Variants in RSU1 observed in about 807,000 individuals in gnomAD.
The protein encoded by RSU1 is rsu-1.
A neutral mutation model predicts 31.1 loss-of-function variants in RSU1; 26 were observed. The observed-to-expected ratio is 0.84, with a 90% CI of 0.61 to 1.16. RSU1 has a LOEUF of 1.16. Ranked by LOEUF, RSU1 falls within the 50% of genes most tolerant of loss-of-function variation. The pLI, the probability that RSU1 is intolerant of heterozygous loss-of-function variation, is 0.00. For synonymous variants in RSU1, 164 were observed against 136.3 expected (o/e 1.20, Z -1.41); for missense variants, 320 against 339.1 (o/e 0.94, Z 0.44).
At chr10:16,789,211 CTTTTCT>C (rs1205843137) in intron 2 of RSU1, among the ~76,000 whole-genome samples, 1 of 152,164 alleles carries the variant, frequency 6.6e-6, no homozygotes, top group Non-Finnish European at 1.5e-5. Flanking sequence ...GTTGTGTTTT[CTTTTCT>C]TTTTCTTTAA....
intron 7 of RSU1, among the ~76,000 whole-genome samples, chr10:16,698,542 A>T (rs1588722220): frequency 6.6e-6 from 1 of 152,184 alleles, no homozygotes; most frequent in East Asian, 1.9e-4. Flanking sequence ...TCATGGAAGG[A>T]GAATAATGCC....
chr10:16,805,582 A>G (rs1376588250), intron 2 of RSU1, among the ~76,000 whole-genome samples: 1 of 148,344 alleles, frequency 6.7e-6, no homozygotes, highest in Non-Finnish European at 1.5e-5. Context: ...AGGCTGAGGC[A>G]GGAGAATGGC....
At chr10:16,797,416 A>G (rs1311389975) in intron 2 of RSU1, among the ~76,000 whole-genome samples, 1 of 152,256 alleles carries the variant, frequency 6.6e-6, no homozygotes, top group East Asian at 1.9e-4. Flanking sequence ...AGAGCTCTGT[A>G]AAGTTAGAAA....
chr10:16,693,019 G>C (rs1187677060), intron 8 of RSU1, among the ~76,000 whole-genome samples: 1 of 152,100 alleles, frequency 6.6e-6, no homozygotes, highest in Non-Finnish European at 1.5e-5. Context: ...CTGGAGTGCA[G>C]TGGCACGATC....
chr10:16,672,140 TA>T (rs1411975341), intron 8 of RSU1, among the ~76,000 whole-genome samples: 5 of 77,628 alleles, frequency 6.4e-5, no homozygotes, highest in African/African-American at 2.8e-4. Flanking sequence ...CTACTAAAAA[TA>T]CAAAAAAAAA....
chr10:16,646,193 T>C (rs1277894279), intron 8 of RSU1, among the ~76,000 whole-genome samples: 1 of 151,438 alleles, frequency 6.6e-6, no homozygotes, highest in East Asian at 2.0e-4. Context: ...CATTCTGGTG[T>C]TTTGTGATAT....
At chr10:16,685,242 T>A (rs1835419894) in intron 8 of RSU1, among the ~76,000 whole-genome samples, 1 of 152,120 alleles carries the variant, frequency 6.6e-6, no homozygotes, top group South Asian at 2.1e-4. Flanking sequence ...AGAGCGGGAC[T>A]CCGTCTCAAA....
At chr10:16,766,527 C>G (rs1398028949) in intron 3 of RSU1, among the ~76,000 whole-genome samples, 1 of 152,124 alleles carries the variant, frequency 6.6e-6, no homozygotes, top group Non-Finnish European at 1.5e-5. Flanking sequence ...CTAGCCTGAC[C>G]AACACGGTGC....
chr10:16,717,985 G>A lies in RSU1; in HGVS notation c.599-22830C>T, dbSNP rs76535599. Reference sequence around the variant, plus strand: ...GTTAAAAATATGAAATACTGTCACAGTAACAAATAACAAAAAAAGAAAGTA... The same window carrying A: ...GTTAAAAATATGAAATACTGTCACAATAACAAATAACAAAAAAAGAAAGTA... On this transcript the variant is annotated intron_variant, in intron 7 of 8. Coordinates refer to ENST00000345264, the MANE Select transcript of RSU1 (RefSeq NM_012425.4). Among the ~76,000 whole-genome samples, 1,258 of 150,642 alleles carry A rather than the reference G, an allele frequency of 8.4e-3. 9 individuals are homozygous for A. Among genetic ancestry groups the A allele is most frequent in the Middle Eastern group, 0.038 (11 of 290 alleles).
chr10:16,661,188 T>C lies in RSU1; in HGVS notation c.731+33835A>G, dbSNP rs1242301453. ...CATGGGGGATGTAGATCTGTGTTTCTTGTTTCTGCTGAGTCTTGCAAATTT... is the reference window on the plus strand; with the variant it reads ...CATGGGGGATGTAGATCTGTGTTTCCTGTTTCTGCTGAGTCTTGCAAATTT... On this transcript the variant is annotated intron_variant, in intron 8 of 8. Coordinates refer to ENST00000345264, the MANE Select transcript of RSU1 (RefSeq NM_012425.4). Among the ~76,000 whole-genome samples, 10 of 152,114 alleles carry C rather than the reference T, an allele frequency of 6.6e-5. No homozygotes were observed. The East Asian group carries it at 1.9e-3, about 29-fold the overall frequency.
At chr10:16,809,446 C>G (rs1258004730) in intron 2 of RSU1, among the ~76,000 whole-genome samples, 1 of 152,206 alleles carries the variant, frequency 6.6e-6, no homozygotes, top group Non-Finnish European at 1.5e-5. Context: ...CAGCAAAGCT[C>G]TGTGTGGAGA....
Position 16,695,121 on chromosome 10 carries a change from G to T in RSU1, c.633C>A (p.Phe211Leu). 1 of 1,527,900 alleles carries T rather than the reference G, an allele frequency of 6.5e-7. No individual in the cohort carries two copies. The highest frequency in any genetic ancestry group is 1.1e-5 in the South Asian group (1 of 89,062). 94.6% of individuals were successfully genotyped at this position (1,527,900 alleles called of 1,614,324 possible). A position where few individuals can be genotyped will look rare whatever the true frequency, so the allele number is the denominator to read the frequency against. ...TCACCCAGGGATTGTTCTCTGCTTT[G>T]AATACCTGCTTCTGGCCAGTTAAAT... is the stretch of plus-strand genomic sequence containing the variant. ...NLDLTGQKQV[F>L]KAENNPWVTP... The change falls in exon 8 of 9, where the codon TTC (phenylalanine) becomes TTA (leucine). Residue 211 changes from phenylalanine to leucine, a missense_variant. Coordinates refer to ENST00000345264, the MANE Select transcript of RSU1 (RefSeq NM_012425.4).
intron 8 of RSU1, among the ~76,000 whole-genome samples, chr10:16,662,863 C>G (rs1325721277): frequency 1.3e-5 from 2 of 151,552 alleles, no homozygotes; most frequent in African/African-American, 2.4e-5. Flanking sequence ...CGTGTGATAA[C>G]ATTAACTATT....
chr10:16,744,398 A>T (rs969677790), intron 7 of RSU1, among the ~76,000 whole-genome samples: 1 of 152,080 alleles, frequency 6.6e-6, no homozygotes, highest in African/African-American at 2.4e-5. Flanking sequence ...CTGGGAGAAT[A>T]AAAAAAATCC....
intron 8 of RSU1, among the ~76,000 whole-genome samples, chr10:16,668,459 G>C (rs998611659): frequency 1.3e-5 from 2 of 152,148 alleles, no homozygotes; most frequent in African/African-American, 4.8e-5. Context: ...TCTTGGGTTG[G>C]TCATTTAATC....
chr10:16,693,927 T>C (rs555033339), intron 8 of RSU1, among the ~76,000 whole-genome samples: 17 of 152,266 alleles, frequency 1.1e-4, no homozygotes, highest in Admixed American at 9.2e-4. Flanking sequence ...CAAAAACAGA[T>C]TACATTTGAG....
intron 3 of RSU1, among the ~76,000 whole-genome samples, chr10:16,779,022 T>C (rs3780974): frequency 0.37 from 56,699 of 152,132 alleles, 14,139 homozygotes; most frequent in African/African-American, 0.72. Context: ...CATTCAAAGT[T>C]AGTACCTGCC....
chr10:16,778,080 G>C (rs1228514351), intron 3 of RSU1, among the ~76,000 whole-genome samples: 1 of 142,778 alleles, frequency 7.0e-6, no homozygotes, highest in Admixed American at 7.3e-5. Flanking sequence ...GAGTGCAGTA[G>C]TACAATCACA....
intron 3 of RSU1, among the ~76,000 whole-genome samples, chr10:16,770,297 CA>C (rs1332874105): frequency 6.6e-6 from 1 of 152,088 alleles, no homozygotes; most frequent in Admixed American, 6.5e-5. Context: ...ACGGGAGGGT[CA>C]GGGGGTCACA....
Sources: gnomAD v4.1 joint callset for allele counts (sites outside exome capture counted in the v4.1 genomes callset) on GRCh38, gnomAD v4.1.1 for gene constraint, MANE v1.5 for transcripts, NCBI Gene and HGNC (gene_info 2026-07-23, HGNC 2026-07-21) for gene names.